UNC13C: variants seen among roughly 807,000 people sequenced by gnomAD.
UNC13C encodes unc-13 homolog C.
Under a neutral mutation model 245.4 loss-of-function variants are expected in UNC13C, and 174 were observed. That is an observed-to-expected ratio of 0.71 (90% confidence interval 0.63 to 0.80). The LOEUF (loss-of-function observed/expected upper bound fraction) is 0.80, where lower values mean the gene tolerates loss of function less well. Ranked by LOEUF, UNC13C falls within the 30% of genes least tolerant of loss-of-function variation. The probability of loss-of-function intolerance (pLI) is 0.00; values close to 1 mark genes in which losing one functional copy is unlikely to be tolerated. For synonymous variants in UNC13C, 992 were observed against 895.1 expected, an observed-to-expected ratio of 1.11 and a Z score of -1.93; for missense variants, 2,829 against 2,602.9, an observed-to-expected ratio of 1.09 and a Z score of -1.89.
intron 30 of UNC13C, among the ~76,000 whole-genome samples, chr15:54,618,245 C>G (rs1026027824): frequency 2.0e-5 from 3 of 152,100 alleles, no homozygotes; most frequent in African/African-American, 7.2e-5. Context: ...AGACAATGAG[C>G]TCTTTGAGCT....
chr15:54,428,950 C>G (rs940244647), intron 19 of UNC13C, among the ~76,000 whole-genome samples: 53 of 151,716 alleles, frequency 3.5e-4, no homozygotes, highest in African/African-American at 1.3e-3. Flanking sequence ...CTCTTCCCCC[C>G]AGCCCCCAAT....
intron 4 of UNC13C, among the ~76,000 whole-genome samples, chr15:54,175,662 A>G (rs1466805927): frequency 1.3e-5 from 2 of 151,842 alleles, no homozygotes; most frequent in South Asian, 2.1e-4. Context: ...ACAGGCACCC[A>G]CCACCACGCC....
At chr15:54,370,618 A>G (rs1016210215) in intron 17 of UNC13C, among the ~76,000 whole-genome samples, 5 of 152,128 alleles carry the variant, frequency 3.3e-5, no homozygotes, top group African/African-American at 1.2e-4. Context: ...TAAAACATGA[A>G]TATGGTATTT....
intron 17 of UNC13C, among the ~76,000 whole-genome samples, chr15:54,350,217 C>G (rs2140840109): frequency 6.6e-6 from 1 of 152,262 alleles, no homozygotes; most frequent in Non-Finnish European, 1.5e-5. Flanking sequence ...GTCTTGATCT[C>G]CTGACCTCGT....
the UNC13C span, among the ~76,000 whole-genome samples, chr15:53,940,269 C>A: frequency 6.6e-6 from 1 of 152,000 alleles, no homozygotes; most frequent in Non-Finnish European, 1.5e-5. Context: ...ACCGTTGTCC[C>A]TTTATGTTAA....
intron 2 of UNC13C, among the ~76,000 whole-genome samples, chr15:54,042,298 G>A (rs1158106378): frequency 6.6e-6 from 1 of 152,144 alleles, no homozygotes; most frequent in African/African-American, 2.4e-5. Flanking sequence ...TATCACTGAT[G>A]AATTTTGAGC....
intron 2 of UNC13C, among the ~76,000 whole-genome samples, chr15:54,029,365 C>T (rs1056003083): frequency 1.3e-5 from 2 of 152,206 alleles, no homozygotes; most frequent in Admixed American, 1.3e-4. Context: ...GGAGAAGGCA[C>T]ATGATACAAA....
chr15:54,187,101 G>T (rs1268396091), intron 4 of UNC13C, among the ~76,000 whole-genome samples: 2 of 151,924 alleles, frequency 1.3e-5, no homozygotes, highest in African/African-American at 4.8e-5. Context: ...GCCCTCCTTG[G>T]CATCAATTTT....
intron 30 of UNC13C, among the ~76,000 whole-genome samples, chr15:54,608,868 G>A (rs1383219124): frequency 6.6e-6 from 1 of 152,106 alleles, no homozygotes; most frequent in African/African-American, 2.4e-5. Context: ...TGTTAGATTA[G>A]ACCAATTATT....
chr15:54,278,074 C>A (rs2036881054), intron 10 of UNC13C, among the ~76,000 whole-genome samples: 1 of 152,080 alleles, frequency 6.6e-6, no homozygotes, highest in Non-Finnish European at 1.5e-5. Flanking sequence ...TATGTCAATG[C>A]TCTCTACCGA....
At chr15:54,435,871 T>C (rs1026005657) in intron 19 of UNC13C, among the ~76,000 whole-genome samples, 13 of 150,942 alleles carry the variant, frequency 8.6e-5, no homozygotes, top group African/African-American at 2.9e-4. Flanking sequence ...GGAACTTAAA[T>C]AAATGTACAA....
intron 17 of UNC13C, among the ~76,000 whole-genome samples, chr15:54,351,779 A>G (rs1243382631): frequency 6.6e-6 from 1 of 152,106 alleles, no homozygotes; most frequent in African/African-American, 2.4e-5. Flanking sequence ...TTTTATTTAT[A>G]ATACATGTGA....
intron 2 of UNC13C, among the ~76,000 whole-genome samples, chr15:54,093,794 T>G (rs1363604159): frequency 6.6e-6 from 1 of 152,230 alleles, no homozygotes; most frequent in Non-Finnish European, 1.5e-5. Flanking sequence ...CAATACATTC[T>G]ATAACACCTG....
intron 18 of UNC13C, among the ~76,000 whole-genome samples, chr15:54,414,503 C>G (rs906536787): frequency 1.3e-5 from 2 of 152,030 alleles, no homozygotes; most frequent in Non-Finnish European, 2.9e-5. Context: ...AAAAATTAGC[C>G]GGGCATGGTG....
At chr15:54,342,942 A>C (rs2038769778) in intron 17 of UNC13C, among the ~76,000 whole-genome samples, 1 of 152,192 alleles carries the variant, frequency 6.6e-6, no homozygotes, top group Non-Finnish European at 1.5e-5. Context: ...CAGGATTTCT[A>C]GGAGCTAAAT....
intron 2 of UNC13C, among the ~76,000 whole-genome samples, chr15:54,067,642 AT>A (rs957668316): frequency 1.3e-5 from 2 of 152,188 alleles, no homozygotes; most frequent in African/African-American, 4.8e-5. Flanking sequence ...ATGAGTACCT[AT>A]TGTACAAAGC....
At chr15:54,286,531 A>T (rs957763793) in intron 10 of UNC13C, among the ~76,000 whole-genome samples, 5 of 152,200 alleles carry the variant, frequency 3.3e-5, no homozygotes, top group Non-Finnish European at 5.9e-5. Context: ...TTTACTGACT[A>T]TGAAAGCCAT....
At chr15:54,196,762 C>G (rs72748233) in intron 4 of UNC13C, among the ~76,000 whole-genome samples, 33,406 of 151,994 alleles carry the variant, frequency 0.22, 3,836 homozygotes, top group Middle Eastern at 0.29. Flanking sequence ...TCATTCAAGA[C>G]TAAAAGTCCT....
intron 30 of UNC13C, among the ~76,000 whole-genome samples, chr15:54,613,051 G>C (rs1900207493): frequency 6.6e-6 from 1 of 151,720 alleles, no homozygotes. Context: ...AAGAACAAGA[G>C]ACTTCTAAAC....
Sources: gnomAD v4.1 joint callset for allele counts (sites outside exome capture counted in the v4.1 genomes callset) on GRCh38, gnomAD v4.1.1 for gene constraint, MANE v1.5 for transcripts, NCBI Gene and HGNC (gene_info 2026-07-23, HGNC 2026-07-21) for gene names.